Variants in SDK1 observed in about 807,000 individuals in gnomAD.
The protein encoded by SDK1 is sidekick cell adhesion molecule 1.
A neutral mutation model predicts 245.5 loss-of-function variants in SDK1; 157 were observed. The observed-to-expected ratio is 0.64, with a 90% confidence interval of 0.56 to 0.73. The LOEUF is 0.73. Among genes scored for constraint, SDK1 ranks in the 30% least tolerant of loss-of-function variants. The probability of loss-of-function intolerance (pLI) is 0.00; values close to 1 mark genes in which losing one functional copy is unlikely to be tolerated. For missense variants in SDK1, 3,583 were observed against 3,002.3 expected (o/e 1.19, Z -4.52); for synonymous variants, 1,647 against 1,278.5 (o/e 1.29, Z -6.15).
At chr7:4,174,965 T>C (rs1469861895) in intron 33 of SDK1, among the ~76,000 whole-genome samples, 4 of 152,182 alleles carry the variant, frequency 2.6e-5, no homozygotes, top group African/African-American at 9.7e-5. Flanking sequence ...ACAAAAATAC[T>C]CTTTGCCCCT....
intron 5 of SDK1, among the ~76,000 whole-genome samples, chr7:3,822,782 A>G (rs1159119243): frequency 6.6e-6 from 1 of 152,044 alleles, no homozygotes; most frequent in Non-Finnish European, 1.5e-5. Context: ...AAGAAAAAAA[A>G]AAAAAAGAAA....
chr7:3,463,723 C>G (rs570157619), intron 1 of SDK1, among the ~76,000 whole-genome samples: 1 of 152,316 alleles, frequency 6.6e-6, no homozygotes, highest in South Asian at 2.1e-4. Flanking sequence ...TTCATTTCCC[C>G]CTCTCTGCTG....
intron 1 of SDK1, among the ~76,000 whole-genome samples, chr7:3,593,891 G>C (rs1030368363): frequency 5.3e-5 from 8 of 152,090 alleles, no homozygotes; most frequent in Non-Finnish European, 1.2e-4. Flanking sequence ...GAAGATAATA[G>C]CACTTACCAT....
intron 1 of SDK1, among the ~76,000 whole-genome samples, chr7:3,485,683 G>GTTTTTTTGTTTTTTTTTTT (rs1781666239): frequency 5.2e-5 from 2 of 38,178 alleles, no homozygotes; most frequent in Non-Finnish European, 9.1e-5. Flanking sequence ...TCTTTGGAGG[G>GTTTTTTTGTTTTTTTTTTT]TTTTTTTTTT....
intron 1 of SDK1, among the ~76,000 whole-genome samples, chr7:3,357,908 C>T (rs1021056094): frequency 4.6e-5 from 7 of 152,070 alleles, no homozygotes; most frequent in Non-Finnish European, 8.8e-5. Context: ...ATTACATTTG[C>T]TTTAAAAATA....
At chr7:3,804,263 C>A (rs1241023947) in intron 4 of SDK1, among the ~76,000 whole-genome samples, 1 of 151,936 alleles carries the variant, frequency 6.6e-6, no homozygotes, top group Non-Finnish European at 1.5e-5. Context: ...TTTTTGTATT[C>A]AGTTATATGA....
chr7:3,846,056 G>C (rs533702079), intron 5 of SDK1, among the ~76,000 whole-genome samples: 8 of 152,240 alleles, frequency 5.3e-5, no homozygotes, highest in African/African-American at 1.9e-4. Flanking sequence ...AAGTAAATGA[G>C]AGTAACTTGC....
At chr7:3,913,064 A>T (rs1490833700) in intron 5 of SDK1, among the ~76,000 whole-genome samples, 2 of 152,116 alleles carry the variant, frequency 1.3e-5, no homozygotes, top group Non-Finnish European at 2.9e-5. Flanking sequence ...GGGTTTAATG[A>T]CAGGGAAAAC....
At chr7:3,522,147 T>A (rs545002958) in intron 1 of SDK1, among the ~76,000 whole-genome samples, 6 of 152,270 alleles carry the variant, frequency 3.9e-5, no homozygotes, top group Admixed American at 3.3e-4. Context: ...TTTTATTGTA[T>A]ACAATAACTT....
chr7:4,121,470 C>T (rs1030831789), intron 25 of SDK1, among the ~76,000 whole-genome samples: 8 of 152,222 alleles, frequency 5.3e-5, no homozygotes, highest in African/African-American at 1.9e-4. Context: ...TCTCTCTTTT[C>T]TCTCCTGCTG....
At chr7:3,645,932 C>T (rs986410611) in intron 4 of SDK1, among the ~76,000 whole-genome samples, 18 of 151,958 alleles carry the variant, frequency 1.2e-4, no homozygotes, top group African/African-American at 4.1e-4. Context: ...AATCTAGGCT[C>T]ACTGCAACCT....
At chr7:3,786,594 A>G (rs971336286) in intron 4 of SDK1, among the ~76,000 whole-genome samples, 7 of 152,196 alleles carry the variant, frequency 4.6e-5, no homozygotes, top group Non-Finnish European at 7.4e-5. Flanking sequence ...TGATTAATCA[A>G]ATTATTTCTG....
chr7:4,095,167 C>G (rs1782066697), intron 22 of SDK1, among the ~76,000 whole-genome samples: 1 of 150,348 alleles, frequency 6.7e-6, no homozygotes, highest in African/African-American at 2.4e-5. Context: ...TCCCCCACAT[C>G]TGAGCTCTTC....
intron 5 of SDK1, among the ~76,000 whole-genome samples, chr7:3,909,413 C>T (rs918320548): frequency 2.0e-5 from 3 of 152,216 alleles, no homozygotes; most frequent in African/African-American, 7.2e-5. Context: ...GTGGAGTAGC[C>T]TCTGCCCATC....
At chr7:3,469,686 C>T (rs944949797) in intron 1 of SDK1, among the ~76,000 whole-genome samples, 1 of 152,132 alleles carries the variant, frequency 6.6e-6, no homozygotes, top group African/African-American at 2.4e-5. Context: ...TAAGGATTTT[C>T]TGAGCAGTTT....
intron 2 of SDK1, among the ~76,000 whole-genome samples, chr7:3,637,106 T>A (rs1156587425): frequency 3.3e-5 from 5 of 152,042 alleles, no homozygotes; most frequent in Non-Finnish European, 7.4e-5. Flanking sequence ...TGTGTGTGTG[T>A]GTGTGTTTTG....
intron 14 of SDK1, among the ~76,000 whole-genome samples, chr7:4,000,128 G>A (rs558165611): frequency 2.0e-5 from 3 of 152,324 alleles, no homozygotes; most frequent in Non-Finnish European, 2.9e-5. Flanking sequence ...CCCTGGGAAG[G>A]AGGGGGCCCA....
intron 1 of SDK1, among the ~76,000 whole-genome samples, chr7:3,424,780 C>G (rs1164510444): frequency 6.6e-6 from 1 of 152,116 alleles, no homozygotes; most frequent in East Asian, 1.9e-4. Context: ...ACCTGTAGTC[C>G]TAGCTGCTTG....
intron 1 of SDK1, among the ~76,000 whole-genome samples, chr7:3,491,750 T>C (rs972735224): frequency 6.6e-6 from 1 of 152,220 alleles, no homozygotes; most frequent in Non-Finnish European, 1.5e-5. Flanking sequence ...GCTTTTTAAA[T>C]GAGCTGGAAC....
Sources: gnomAD v4.1 joint callset for allele counts (sites outside exome capture counted in the v4.1 genomes callset) on GRCh38, gnomAD v4.1.1 for gene constraint, MANE v1.5 for transcripts, NCBI Gene and HGNC (gene_info 2026-07-23, HGNC 2026-07-21) for gene names.